The following QKI variants were observed in gnomAD, a reference collection of about 807,000 sequenced individuals.
QKI encodes KH domain-containing RNA-binding protein QKI.
Under a neutral mutation model 39.0 loss-of-function variants are expected in QKI, and 10 were observed. That is an observed-to-expected ratio of 0.26 (90% CI 0.16 to 0.43). QKI has a LOEUF of 0.43. QKI is among the 20% of genes least tolerant of loss of function. The pLI is 1.00. For synonymous variants in QKI, 204 were observed against 155.4 expected (o/e 1.31, Z -2.33); for missense variants, 218 against 428.0 (o/e 0.51, Z 4.33).
At chr6:163,441,241 A>G (rs1789742704) in intron 1 of QKI, among the ~76,000 whole-genome samples, 2 of 152,168 alleles carry the variant, frequency 1.3e-5, no homozygotes, top group South Asian at 2.1e-4. Flanking sequence ...ATATGTTATT[A>G]GCAAAGTGTT....
chr6:163,480,236 T>G (rs1792968937), intron 3 of QKI, among the ~76,000 whole-genome samples: 2 of 151,964 alleles, frequency 1.3e-5, no homozygotes, highest in Non-Finnish European at 2.9e-5. Flanking sequence ...AGGTTTGGTC[T>G]GTCTGTCTGT....
chr6:163,482,944 G>C (rs1388323725), intron 3 of QKI, among the ~76,000 whole-genome samples: 1 of 152,104 alleles, frequency 6.6e-6, no homozygotes, highest in African/African-American at 2.4e-5. Flanking sequence ...CTGTATACTT[G>C]GTTAGGGTTT....
intron 3 of QKI, among the ~76,000 whole-genome samples, chr6:163,495,799 G>A (rs889002865): frequency 6.6e-6 from 1 of 152,106 alleles, no homozygotes; most frequent in African/African-American, 2.4e-5. Flanking sequence ...TCACAAGAAT[G>A]TTTTAAAAAG....
intron 3 of QKI, among the ~76,000 whole-genome samples, chr6:163,498,837 T>C (rs1222108522): frequency 6.6e-6 from 1 of 152,192 alleles, no homozygotes; most frequent in Admixed American, 6.5e-5. Flanking sequence ...AATTTAGTTA[T>C]ACAGATGGAG....
At chr6:163,430,661 T>C (rs2128210824) in intron 1 of QKI, among the ~76,000 whole-genome samples, 1 of 152,300 alleles carries the variant, frequency 6.6e-6, no homozygotes, top group Non-Finnish European at 1.5e-5. Context: ...GTCTAGATAG[T>C]ATGGCATAGT....
intron 3 of QKI, among the ~76,000 whole-genome samples, chr6:163,518,784 A>G (rs1779979994): frequency 6.6e-6 from 1 of 152,210 alleles, no homozygotes; most frequent in Admixed American, 6.5e-5. Flanking sequence ...AGTAGATTGT[A>G]GTAACTACTC....
intron 3 of QKI, 87 bp from the exon 4 acceptor site, chr6:163,534,895 A>T: frequency 9.3e-7 from 1 of 1,075,550 alleles, no homozygotes; most frequent in South Asian, 2.8e-5. Context: ...ACATAGCTGA[A>T]ATAATTGACA....
chr6:163,570,399 ATTAG>A, intron 7 of QKI: 4 of 979,874 alleles, frequency 4.1e-6, no homozygotes, highest in Non-Finnish European at 4.8e-6. Context: ...GCTACTAACT[ATTAG>A]TTGTTAGTTG....
chr6:163,490,009 A>AG (rs765867682), intron 3 of QKI, among the ~76,000 whole-genome samples: 1 of 152,244 alleles, frequency 6.6e-6, no homozygotes, highest in East Asian at 1.9e-4. Context: ...CGAGATGATT[A>AG]GGGAGTAGGA....
intron 1 of QKI, among the ~76,000 whole-genome samples, chr6:163,447,249 ATTTTT>A (rs4038332): frequency 1.7e-4 from 20 of 120,190 alleles, no homozygotes; most frequent in Admixed American, 7.6e-4. Flanking sequence ...GGTGCACGTG[ATTTTT>A]TTTTTTTTTT....
At chr6:163,531,243 TG>T (rs1780830194) in intron 3 of QKI, among the ~76,000 whole-genome samples, 1 of 152,204 alleles carries the variant, frequency 6.6e-6, no homozygotes, top group Non-Finnish European at 1.5e-5. Flanking sequence ...GATGTGGGCC[TG>T]GGTTCCCTTG....
intron 3 of QKI, among the ~76,000 whole-genome samples, chr6:163,516,536 A>G (rs915681553): frequency 1.4e-4 from 21 of 152,016 alleles, no homozygotes; most frequent in African/African-American, 4.8e-4. Flanking sequence ...CTCGTGATCC[A>G]CCCGCCTTGG....
intron 1 of QKI, among the ~76,000 whole-genome samples, chr6:163,433,254 T>C (rs993278917): frequency 1.3e-5 from 2 of 152,178 alleles, no homozygotes; most frequent in Non-Finnish European, 2.9e-5. Flanking sequence ...ATTTGAATGT[T>C]ACATTATTAC....
At chr6:163,446,067 C>G (rs1562441718) in intron 1 of QKI, among the ~76,000 whole-genome samples, 1 of 152,140 alleles carries the variant, frequency 6.6e-6, no homozygotes. Context: ...TACAGCTATC[C>G]TTTCATATTT....
At chr6:163,481,836 A>G (rs1195259885) in intron 3 of QKI, among the ~76,000 whole-genome samples, 1 of 152,162 alleles carries the variant, frequency 6.6e-6, no homozygotes, top group African/African-American at 2.4e-5. Flanking sequence ...GAAGAGACCA[A>G]AGCCTTGGGG....
chr6:163,535,241 G>A (rs1583179200), intron 4 of QKI, 116 bp downstream of exon 4: 3 of 1,127,648 alleles, frequency 2.7e-6, no homozygotes, highest in South Asian at 2.7e-5. Flanking sequence ...TTTTATTTAA[G>A]CATAAAATTA....
In QKI at chr6:163,524,906, A is replaced by G. The variant is rs542598482; in HGVS notation, c.403-10076A>G. On this transcript the variant is annotated intron_variant, in intron 3 of 7. Coordinates refer to ENST00000361752, the MANE Select transcript of QKI (RefSeq NM_006775.3). Reference sequence around the variant, plus strand: ...ATCCGAACACTAACATTTAAAACTCATTGTAGCTCTGAGATGTAAGTACTA... The same window carrying G: ...ATCCGAACACTAACATTTAAAACTCGTTGTAGCTCTGAGATGTAAGTACTA... 5.3e-5 allele frequency among the ~76,000 whole-genome samples: 8 copies of G among 152,294 alleles called. No individual in the cohort carries two copies. The East Asian group carries it at 9.6e-4, about 18-fold the overall frequency.
intron 3 of QKI, among the ~76,000 whole-genome samples, chr6:163,501,007 A>G (rs1313852173): frequency 6.6e-6 from 1 of 152,130 alleles, no homozygotes; most frequent in Non-Finnish European, 1.5e-5. Flanking sequence ...TAAGATGAAA[A>G]TAGTTTCTCA....
intron 3 of QKI, among the ~76,000 whole-genome samples, chr6:163,506,884 A>G (rs1446235887): frequency 6.6e-6 from 1 of 152,104 alleles, no homozygotes; most frequent in Admixed American, 6.6e-5. Context: ...TACCCACTTC[A>G]TTCCTCCCAT....
Sources: gnomAD v4.1 joint callset for allele counts (sites outside exome capture counted in the v4.1 genomes callset) on GRCh38, gnomAD v4.1.1 for gene constraint, MANE v1.5 for transcripts, NCBI Gene and HGNC (gene_info 2026-07-23, HGNC 2026-07-21) for gene names.